The following PZP variants were observed in gnomAD, a reference collection of about 807,000 sequenced individuals.
The protein encoded by PZP is PZP alpha-2-macroglobulin like.
Under a neutral mutation model 179.8 loss-of-function variants are expected in PZP, and 150 were observed. The ratio of observed to expected loss-of-function variants is 0.83; its 90% CI spans 0.73 to 0.96. PZP has a LOEUF of 0.96. PZP is among the 40% of genes least tolerant of loss of function. PZP has a pLI of 0.00. For missense variants in PZP, 1,689 were observed against 1,764.0 expected, an observed-to-expected ratio of 0.96 and a Z score of 0.76; for synonymous variants, 624 against 652.3, an observed-to-expected ratio of 0.96 and a Z score of 0.66.
At chr12:9,202,422 T>G (rs1159587593) in intron 3 of PZP, 51 bp from the exon 4 acceptor site, 1 of 1,613,550 alleles carries the variant, frequency 6.2e-7, no homozygotes, top group Admixed American at 1.7e-5. Flanking sequence ...GCAGGTAATT[T>G]GGGTAATAAG....
intron 28 of PZP, chr12:9,155,971 C>A: frequency 1.2e-5 from 2 of 165,250 alleles, no homozygotes; most frequent in South Asian, 3.3e-4. Flanking sequence ...CATATGGGTT[C>A]ATGTTTTCAC....
chr12:9,174,660 A>AC (rs1942241026), intron 15 of PZP, among the ~76,000 whole-genome samples: 1 of 152,206 alleles, frequency 6.6e-6, no homozygotes, highest in Non-Finnish European at 1.5e-5. Flanking sequence ...ATTTCTATAC[A>AC]CCAACAACAG....
chr12:9,169,136 A>T (rs902854113), intron 16 of PZP, among the ~76,000 whole-genome samples, 162 bp from the exon 17 acceptor site: 7 of 151,678 alleles, frequency 4.6e-5, no homozygotes, highest in Admixed American at 2.0e-4. Flanking sequence ...AAACTTATGG[A>T]TTATTAAGAT....
At position 9,196,598 on chromosome 12, in the gene PZP, C is replaced by T; in HGVS notation, c.955G>A (p.Glu319Lys). 1 of 1,612,408 alleles carries T rather than the reference C, an allele frequency of 6.2e-7. No individual in the cohort carries two copies. Among genetic ancestry groups the T allele is most frequent in the Non-Finnish European group, 8.5e-7 (1 of 1,178,462 alleles). ...GTCCCCTCTTCTCTGATCCTGGCTT[C>T]CACTCTAAGCTTCATTTCAAAGCCC... ...NTGFEMKLRV[E>K]ARIREEGTDL... Residue 319 changes from glutamate (E) to lysine (K), a missense_variant, in exon 9 of 36, where the codon GAA becomes AAA. Transcript: ENST00000261336.
rs752976212 is a variant in PZP, at chr12:9,196,220, G to C, written c.1092+110C>G. On this transcript the variant is annotated intron_variant, in intron 10 of 35. Transcript: ENST00000261336. ...ATTTCTCCTTGGTTTCATGGTTTTT[G>C]GTCATATTAATTAACTGATAACACT... 7.8e-6 allele frequency: 5 copies of C among 637,064 alleles called. No individual in the cohort carries two copies. In the South Asian group the frequency reaches 1.2e-4, roughly 15 times the overall value. 39.5% of individuals were successfully genotyped at this position (637,064 alleles called of 1,614,324 possible).
In PZP at chr12:9,154,651, G is replaced by A. The variant is rs773769239; in HGVS notation, c.3739C>T (p.Gln1247Ter). 3 of 1,614,090 alleles carry A rather than the reference G, an allele frequency of 1.9e-6. No homozygotes were observed. In the Admixed American group the frequency reaches 5.0e-5, roughly 27 times the overall value. The change falls in exon 29 of 36, where the codon CAG becomes TAG. Residue 1247 changes from glutamine to a stop codon, truncating the protein, a stop_gained. Coordinates refer to ENST00000261336, the MANE Select transcript of PZP (RefSeq NM_002864.3). LOFTEE classifies it high-confidence loss of function. The stretch of plus-strand genomic sequence containing the variant: ...GAGAAACCACCTTGGGCGTTCTGCT[G>A]CTTCATGATCCACTTCACAATGTTA... ...ATNIVKWIMK[Q>*]QNAQGGFSST...
chr12:9,147,280 C>T (rs1434869527), downstream of PZP, among the ~76,000 whole-genome samples: 1 of 152,126 alleles, frequency 6.6e-6, no homozygotes, highest in African/African-American at 2.4e-5. Context: ...CTGTGCTTGT[C>T]CTGTCAGAAC....
rs183419533 is a variant in PZP at position 9,150,385 on chromosome 12, C to T, written c.4384+259G>A. Among the ~76,000 whole-genome samples the T allele has an allele frequency of 1.8e-4, 28 of 152,266 alleles. 1 individual carries two copies. In the East Asian group the frequency reaches 3.9e-3, roughly 21 times the overall value. On this transcript the variant is annotated intron_variant, in intron 34 of 35. Coordinates refer to ENST00000261336, the MANE Select transcript of PZP (RefSeq NM_002864.3). ...GCAACCTCTGCCTCCCAGGCTTACA[C>T]GATTCTCCTGCCTCAGCCTCCATAG...
downstream of PZP, among the ~76,000 whole-genome samples, chr12:9,146,384 T>C (rs1414131985): frequency 2.6e-5 from 4 of 152,088 alleles, 1 homozygote; most frequent in East Asian, 7.7e-4. Flanking sequence ...TTGATACTTT[T>C]TGTGGTTTTG....
intron 35 of PZP, 49 bp from the exon 36 acceptor site, chr12:9,149,043 C>A (rs1176553744): frequency 1.3e-6 from 2 of 1,549,758 alleles, no homozygotes; most frequent in East Asian, 4.5e-5. Flanking sequence ...TCCTGAGGAG[C>A]ATTCAGTTGA....
chr12:9,151,177 A>G (rs1940326706), intron 33 of PZP, among the ~76,000 whole-genome samples: 1 of 152,234 alleles, frequency 6.6e-6, no homozygotes, highest in Non-Finnish European at 1.5e-5. Flanking sequence ...TTAGAATGTT[A>G]ACATTATCAT....
chr12:9,195,140 T>C (rs1439829440), intron 10 of PZP, among the ~76,000 whole-genome samples: 1 of 152,184 alleles, frequency 6.6e-6, no homozygotes, highest in African/African-American at 2.4e-5. Flanking sequence ...GATGAATATC[T>C]CAATTATGCT....
chr12:9,162,636 C>G lies in PZP; in HGVS notation c.2749G>C (p.Glu917Gln). 1 of 1,593,568 alleles carries G rather than the reference C, an allele frequency of 6.3e-7. No individual in the cohort carries two copies. Among genetic ancestry groups the G allele is most frequent in the Admixed American group, 1.7e-5 (1 of 59,850 alleles). The change falls in exon 22 of 36, where the codon GAG (glutamate) becomes CAG (glutamine). Residue 917 changes from glutamate to glutamine, a missense_variant. This residue lies in a region of PZP where 746 missense variants were observed against 749.2 expected (regional missense o/e 1.00). Transcript: ENST00000261336. Reference protein sequence around the residue: ...KTLLVEAEGIEQEKTFSSMTC... With the variant: ...KTLLVEAEGIQQEKTFSSMTC... ...ATAGAACTGAAAGTCTTTTCTTGCT[C>G]AATACCTTCAGCCTTGGATGAAAGG... is the stretch of plus-strand genomic sequence containing the variant.
In PZP at chr12:9,200,455, A is replaced by G. The variant is rs181382166; in HGVS notation, c.671-7T>C. The G allele has an allele frequency of 1.3e-6, 2 of 1,579,608 alleles. No homozygotes were observed. On this transcript the variant is annotated splice_polypyrimidine_tract_variant and splice_region_variant and intron_variant, in intron 6 of 35. Coordinates refer to ENST00000261336, the MANE Select transcript of PZP (RefSeq NM_002864.3). ...ACCTCAAACTTGGGAAGCACTGTTA[A>G]TAGAGATAATAGGAATAAGGAAGGT...
chr12:9,171,516 C>T (rs1276827710), intron 15 of PZP, among the ~76,000 whole-genome samples: 1 of 152,148 alleles, frequency 6.6e-6, no homozygotes, highest in Non-Finnish European at 1.5e-5. Context: ...TAAGAATTGA[C>T]AGAAGTAGAC....
intron 13 of PZP, among the ~76,000 whole-genome samples, chr12:9,186,892 C>A: frequency 6.6e-6 from 1 of 151,632 alleles, no homozygotes; most frequent in Admixed American, 6.6e-5. Flanking sequence ...GGAGAAATAC[C>A]TAATATAGAT....
chr12:9,207,884 G>A (rs2195208), intron 1 of PZP, among the ~76,000 whole-genome samples: 40,212 of 152,010 alleles, frequency 0.26, 5,565 homozygotes, highest in Admixed American at 0.38. Flanking sequence ...AAATAAAGGA[G>A]CTATACTTTC....
chr12:9,137,390 G>C, the PZP span, among the ~76,000 whole-genome samples: 1 of 151,986 alleles, frequency 6.6e-6, no homozygotes, highest in Non-Finnish European at 1.5e-5. Context: ...ATGTTTATCT[G>C]TCTTTATGCC....
At chr12:9,201,880 A>C (rs972941220) in intron 4 of PZP, among the ~76,000 whole-genome samples, 1 of 152,054 alleles carries the variant, frequency 6.6e-6, no homozygotes, top group African/African-American at 2.4e-5. Flanking sequence ...AATTAGCATA[A>C]AAAAGTCTTT....
Sources: allele counts gnomAD v4.1 joint callset (sites outside exome capture counted in the v4.1 genomes callset), GRCh38; gene constraint gnomAD v4.1.1; regional missense constraint gnomAD v4.1.1; transcripts MANE v1.5; gene names NCBI Gene and HGNC (gene_info 2026-07-23, HGNC 2026-07-21).